NMRK2: variants seen among roughly 807,000 people sequenced by gnomAD.
NMRK2 encodes nicotinamide riboside kinase 2, also known as NRK 2.
In NMRK2, 34 loss-of-function variants were observed where a neutral mutation model predicts 24.7. That is an observed-to-expected ratio of 1.37 (90% CI 1.05 to 1.83). The LOEUF is 1.83. NMRK2 is among the 40% of genes most tolerant of loss of function. The probability of loss-of-function intolerance (pLI) is 0.00; values close to 1 mark genes in which losing one functional copy is unlikely to be tolerated. For missense variants in NMRK2, 341 were observed against 315.0 expected, an observed-to-expected ratio of 1.08 and a Z score of -0.62; for synonymous variants, 145 against 125.6, an observed-to-expected ratio of 1.15 and a Z score of -1.03.
chr19:3,937,134 G>A (rs2039227633), intron 3 of NMRK2, 106 bp from the exon 4 acceptor site: 8 of 1,098,504 alleles, frequency 7.3e-6, no homozygotes, highest in African/African-American at 6.2e-5. Context: ...CCACGCCTCA[G>A]GGACCTCAGC....
intron 1 of NMRK2, 35 bp downstream of exon 1, chr19:3,933,213 C>T (rs1316069314): frequency 6.3e-6 from 1 of 158,852 alleles, no homozygotes; most frequent in Admixed American, 6.4e-5. Context: ...GAGAACCAGT[C>T]TTAATGTCAG....
At chr19:3,936,840 G>A (rs371069572) in intron 3 of NMRK2, among the ~76,000 whole-genome samples, 175 bp downstream of exon 3, 1 of 152,148 alleles carries the variant, frequency 6.6e-6, no homozygotes, top group South Asian at 2.1e-4. Context: ...AGTGAGGGAC[G>A]GGTGTCGTGT....
Position 3,935,734 on chromosome 19 carries a change from C to T in NMRK2, c.27-841C>T, listed in dbSNP as rs180823595. 1.3e-3 allele frequency among the ~76,000 whole-genome samples: 197 copies of T among 152,008 alleles called. 1 individual carries two copies. The highest frequency in any genetic ancestry group is 4.4e-3 in the African/African-American group (184 of 41,510). ...AGCTAGGACTACAGGCATGCACCACCACACCTGGCTAGTTTTTAATTTTTT... is the reference window on the plus strand; with the variant it reads ...AGCTAGGACTACAGGCATGCACCACTACACCTGGCTAGTTTTTAATTTTTT... On this transcript the variant is annotated intron_variant, in intron 2 of 7. Transcript: ENST00000168977.
intron 5 of NMRK2, among the ~76,000 whole-genome samples, chr19:3,939,621 C>A (rs1483752304): frequency 6.6e-6 from 1 of 152,162 alleles, no homozygotes; most frequent in African/African-American, 2.4e-5. Flanking sequence ...AGACCAGTAA[C>A]CTAGGCTGCG....
rs745797871 is a variant in NMRK2 at position 3,939,893 on chromosome 19, C to T, written c.324-7C>T. 3.1e-5 allele frequency: 50 copies of T among 1,612,212 alleles called. No homozygotes were observed. In the South Asian group the frequency reaches 4.3e-4, roughly 14 times the overall value. On this transcript the variant is annotated splice_polypyrimidine_tract_variant and splice_region_variant and intron_variant, in intron 5 of 7. Coordinates refer to ENST00000168977, the MANE Select transcript of NMRK2 (RefSeq NM_170678.3). Reference sequence around the variant, plus strand: ...GGTGCTGACCGTGTCTCCCCCACTCCGCCCAGGCCCCTGGTGGACTTGTAC... The same window carrying T: ...GGTGCTGACCGTGTCTCCCCCACTCTGCCCAGGCCCCTGGTGGACTTGTAC...
At chr19:3,941,031 C>T in intron 6 of NMRK2, 40 bp from the exon 7 acceptor site, 2 of 1,347,944 alleles carry the variant, frequency 1.5e-6, no homozygotes, top group South Asian at 2.4e-5. Flanking sequence ...TAGCATCACC[C>T]TTCTGTGCTC....
chr19:3,938,146 TC>T (rs1247966666), intron 4 of NMRK2, among the ~76,000 whole-genome samples: 4 of 115,060 alleles, frequency 3.5e-5, no homozygotes, highest in Non-Finnish European at 3.6e-5. Flanking sequence ...CCGTCCACTG[TC>T]CCCCCGGGGT....
At chr19:3,939,579 G>T (rs1568181217) in intron 5 of NMRK2, among the ~76,000 whole-genome samples, 2 of 152,118 alleles carry the variant, frequency 1.3e-5, no homozygotes, top group Non-Finnish European at 2.9e-5. Flanking sequence ...GGGAGACTGA[G>T]TCTTTCTTCT....
chr19:3,936,529 T>C, intron 2 of NMRK2, 46 bp from the exon 3 acceptor site: 1 of 1,450,462 alleles, frequency 6.9e-7, no homozygotes. Context: ...ACCCTGACCT[T>C]CTTGGGGGGA....
chr19:3,938,825 T>A, intron 5 of NMRK2, 66 bp downstream of exon 5: 1 of 458,278 alleles, frequency 2.2e-6, no homozygotes, highest in Non-Finnish European at 2.8e-6. Context: ...ATCTCTTGTT[T>A]TTTTTTTTTT....
At chr19:3,934,800 C>T (rs1188780599) in intron 2 of NMRK2, among the ~76,000 whole-genome samples, 2 of 152,060 alleles carry the variant, frequency 1.3e-5, no homozygotes, top group African/African-American at 2.4e-5. Flanking sequence ...CCAGGCTGGT[C>T]TCGAACTCCT....
At position 3,941,037 on chromosome 19, in the gene NMRK2, T is replaced by C. The variant is rs779984664; in HGVS notation, c.396-34T>C. 2.1e-6 allele frequency: 3 copies of C among 1,398,496 alleles called. No individual in the cohort carries two copies. In the East Asian group the frequency reaches 7.0e-5, roughly 32 times the overall value. 86.6% of individuals were successfully genotyped at this position (1,398,496 alleles called of 1,614,324 possible). ...GTATATTCTTAGCATCACCCTTCTG[T>C]GCTCTAAGCCATCCTTGCCTTCTCC... On this transcript the variant is annotated intron_variant, in intron 6 of 7. Transcript: ENST00000168977.
rs1229388821 is a variant in NMRK2, at chr19:3,936,698, G to GA, written c.117+34dup. The GA allele has an allele frequency of 2.6e-6, 4 of 1,526,352 alleles. No homozygotes were observed. The Admixed American group carries it at 6.0e-5, about 23-fold the overall frequency. The allele number at this position is 1,526,352 out of a possible 1,614,324, so 94.6% of individuals were successfully genotyped here. A position where few individuals can be genotyped will look rare whatever the true frequency, so the allele number is the denominator to read the frequency against. ...CCCTTGCCCGGGGAGGTGGAGCTGAGAGGGGATGCAGGGTGGGCAGCCAGG... is the reference window on the plus strand; with the variant it reads ...CCCTTGCCCGGGGAGGTGGAGCTGAGAAGGGGATGCAGGGTGGGCAGCCAGG... On this transcript the variant is annotated intron_variant, in intron 3 of 7. Transcript: ENST00000168977.
At chr19:3,937,090 G>A (rs2039226907) in intron 3 of NMRK2, 150 bp from the exon 4 acceptor site, 3 of 708,052 alleles carry the variant, frequency 4.2e-6, no homozygotes, top group African/African-American at 1.8e-5. Context: ...GATGATTGAT[G>A]GTCTGGGGAA....
intron 2 of NMRK2, among the ~76,000 whole-genome samples, chr19:3,934,556 T>C (rs1230900844): frequency 7.4e-5 from 1 of 13,592 alleles, no homozygotes; most frequent in African/African-American, 1.9e-4. Flanking sequence ...TTTTTGGGGT[T>C]TTTTTTTTTG....
chr19:3,933,845 G>A, intron 2 of NMRK2, 148 bp downstream of exon 2: 1 of 686,020 alleles, frequency 1.5e-6, no homozygotes, highest in Non-Finnish European at 2.1e-6. Context: ...AGGATTTTCT[G>A]CCCTGGGGGT....
rs1430597206 is a variant in NMRK2, at chr19:3,937,255, G to C, written c.133G>C (p.Ala45Pro). The change falls in exon 4 of 8, where the codon GCA becomes CCA. Residue 45 changes from alanine (A) to proline (P), a missense_variant. Coordinates refer to ENST00000168977, the MANE Select transcript of NMRK2 (RefSeq NM_170678.3). ...DDFFKPQDQIAVGEDGFKQWD... is the reference protein window; with the variant it reads ...DDFFKPQDQIPVGEDGFKQWD... ...TCTGTTTCAGCCCCAAGACCAAATA[G>C]CAGTTGGGGAAGACGGCTTCAAACA... 6.2e-7 allele frequency: 1 copy of C among 1,613,288 alleles called. No homozygotes were observed. Among genetic ancestry groups the C allele is most frequent in the East Asian group, 2.2e-5 (1 of 44,882 alleles).
intron 3 of NMRK2, 114 bp from the exon 4 acceptor site, chr19:3,937,126 A>G: frequency 1.0e-6 from 1 of 973,982 alleles, no homozygotes; most frequent in Non-Finnish European, 1.6e-6. Context: ...CAGAGCCCCC[A>G]CGCCTCAGGG....
chr19:3,934,346 C>T (rs2039174231), intron 2 of NMRK2, among the ~76,000 whole-genome samples: 1 of 152,082 alleles, frequency 6.6e-6, no homozygotes, highest in African/African-American at 2.4e-5. Flanking sequence ...GACACGTGGG[C>T]AGGTGGGATG....
Sources: gnomAD v4.1 joint callset for allele counts (sites outside exome capture counted in the v4.1 genomes callset) on GRCh38, gnomAD v4.1.1 for gene constraint, MANE v1.5 for transcripts, NCBI Gene and HGNC (gene_info 2026-07-23, HGNC 2026-07-21) for gene names.